Variants in NKAIN2 observed in about 807,000 individuals in gnomAD.
The protein encoded by NKAIN2 is sodium/potassium-transporting ATPase subunit beta-1-interacting protein 2.
NKAIN2 carries 14 observed loss-of-function variants against 32.6 expected under a neutral mutation model. The ratio of observed to expected loss-of-function variants is 0.43; its 90% confidence interval spans 0.28 to 0.67. NKAIN2 has a LOEUF of 0.67. NKAIN2 is among the 30% of genes least tolerant of loss of function. The pLI, the probability that NKAIN2 is intolerant of heterozygous loss-of-function variation, is 0.17. For synonymous variants in NKAIN2, 80 were observed against 87.2 expected (o/e 0.92, Z 0.46); for missense variants, 198 against 258.3 (o/e 0.77, Z 1.60).
chr6:124,142,700 A>G (rs929341617), intron 1 of NKAIN2, among the ~76,000 whole-genome samples: 1 of 152,210 alleles, frequency 6.6e-6, no homozygotes, highest in African/African-American at 2.4e-5. Context: ...ATGCCCAATT[A>G]TGTCTAAATG....
intron 3 of NKAIN2, among the ~76,000 whole-genome samples, chr6:124,544,639 C>T (rs979026378): frequency 2.6e-5 from 4 of 151,280 alleles, no homozygotes; most frequent in Non-Finnish European, 5.9e-5. Flanking sequence ...TCCCGAACCT[C>T]AATGCATTTG....
chr6:124,747,539 G>A (rs190933124), intron 4 of NKAIN2, among the ~76,000 whole-genome samples: 13 of 151,964 alleles, frequency 8.6e-5, no homozygotes, highest in African/African-American at 2.9e-4. Flanking sequence ...TTATGCTGAA[G>A]CCAGAGCTGT....
chr6:123,939,518 T>C (rs1233882205), intron 1 of NKAIN2, among the ~76,000 whole-genome samples: 1 of 151,990 alleles, frequency 6.6e-6, no homozygotes, highest in Non-Finnish European at 1.5e-5. Flanking sequence ...TAGATACATA[T>C]GTATGACCAC....
At position 124,534,166 on chromosome 6, in the gene NKAIN2, T is replaced by C. The variant is rs560377341; in HGVS notation, c.274-124020T>C. Among the ~76,000 whole-genome samples, 21 of 152,066 alleles carry C rather than the reference T, an allele frequency of 1.4e-4. No homozygotes were observed. The South Asian group carries it at 1.5e-3, about 11-fold the overall frequency. ...TTTTTTTTTCCTTTTTTGGGGGGCA[T>C]TGGGGGACAGAGTCTCATTCTGTTG... On this transcript the variant is annotated intron_variant, in intron 3 of 6. Coordinates refer to ENST00000368417, the MANE Select transcript of NKAIN2 (RefSeq NM_001040214.3).
chr6:123,980,423 T>C (rs540532556), intron 1 of NKAIN2, among the ~76,000 whole-genome samples: 147 of 152,304 alleles, frequency 9.7e-4, no homozygotes, highest in East Asian at 1.2e-3. Context: ...AGAATTAAGA[T>C]TTCAATTATA....
intron 3 of NKAIN2, among the ~76,000 whole-genome samples, chr6:124,424,830 C>A (rs999712787): frequency 6.6e-6 from 1 of 152,110 alleles, no homozygotes; most frequent in Admixed American, 6.5e-5. Context: ...CAGCTTATTT[C>A]CTTATCTTGG....
intron 4 of NKAIN2, among the ~76,000 whole-genome samples, chr6:124,700,037 T>C (rs1406416368): frequency 6.6e-6 from 1 of 152,176 alleles, no homozygotes; most frequent in Non-Finnish European, 1.5e-5. Flanking sequence ...AGCAGAATTC[T>C]CTGCTCAGAA....
chr6:123,817,943 C>A (rs1237130125), intron 1 of NKAIN2, among the ~76,000 whole-genome samples: 2 of 152,016 alleles, frequency 1.3e-5, no homozygotes, highest in South Asian at 2.1e-4. Context: ...TGTACTCAAC[C>A]AAGCCTTCAG....
intron 5 of NKAIN2, among the ~76,000 whole-genome samples, chr6:124,816,741 TAGA>T (rs1449794421): frequency 1.3e-5 from 2 of 152,122 alleles, no homozygotes; most frequent in African/African-American, 4.8e-5. Context: ...AGTAAGCCAA[TAGA>T]AGGAGATGCT....
chr6:124,571,484 T>C (rs1781125980), intron 3 of NKAIN2, among the ~76,000 whole-genome samples: 1 of 152,170 alleles, frequency 6.6e-6, no homozygotes, highest in Non-Finnish European at 1.5e-5. Context: ...GTTTTCATGA[T>C]AGTGAGTAAG....
At chr6:124,083,231 T>A (rs1320471276) in intron 1 of NKAIN2, among the ~76,000 whole-genome samples, 1 of 151,916 alleles carries the variant, frequency 6.6e-6, no homozygotes, top group African/African-American at 2.4e-5. Flanking sequence ...CACTGAAGAT[T>A]AGTATACTCA....
At chr6:124,031,079 T>C (rs1781379465) in intron 1 of NKAIN2, among the ~76,000 whole-genome samples, 1 of 152,134 alleles carries the variant, frequency 6.6e-6, no homozygotes, top group African/African-American at 2.4e-5. Flanking sequence ...TTACTGGGTT[T>C]TTAAAAAAAT....
intron 1 of NKAIN2, among the ~76,000 whole-genome samples, chr6:124,250,149 GA>G (rs1793628170): frequency 6.6e-6 from 1 of 152,108 alleles, no homozygotes; most frequent in South Asian, 2.1e-4. Context: ...ATTGTAGCTT[GA>G]AGATGGCCAT....
chr6:123,817,959 T>C (rs1426952161), intron 1 of NKAIN2, among the ~76,000 whole-genome samples: 2 of 152,204 alleles, frequency 1.3e-5, no homozygotes, highest in Admixed American at 1.3e-4. Flanking sequence ...TTCAGTATTC[T>C]TGGCTGTTTT....
At chr6:124,250,036 C>T (rs1022389950) in intron 1 of NKAIN2, among the ~76,000 whole-genome samples, 6 of 152,014 alleles carry the variant, frequency 3.9e-5, no homozygotes, top group Admixed American at 6.6e-5. Flanking sequence ...GGAAGTGAAC[C>T]TTTGGAAGGT....
At chr6:124,098,296 C>G (rs1039496165) in intron 1 of NKAIN2, among the ~76,000 whole-genome samples, 1 of 152,100 alleles carries the variant, frequency 6.6e-6, no homozygotes. Context: ...CACCTGTAAG[C>G]TCTTTGAGGA....
intron 4 of NKAIN2, among the ~76,000 whole-genome samples, chr6:124,745,614 T>A (rs985855642): frequency 1.3e-5 from 2 of 151,918 alleles, no homozygotes; most frequent in Non-Finnish European, 2.9e-5. Context: ...TTTAAAACCA[T>A]TCGCTGAGAT....
intron 1 of NKAIN2, among the ~76,000 whole-genome samples, chr6:123,814,220 T>C (rs1364284544): frequency 1.3e-5 from 2 of 152,178 alleles, no homozygotes; most frequent in African/African-American, 4.8e-5. Flanking sequence ...AAAACAATGT[T>C]TTAACATTCA....
chr6:123,804,928 C>G (rs1479259040), intron 1 of NKAIN2, among the ~76,000 whole-genome samples: 1 of 152,174 alleles, frequency 6.6e-6, no homozygotes, highest in Non-Finnish European at 1.5e-5. Context: ...AAAAACTATT[C>G]TGTCTTACAT....
Sources: allele counts gnomAD v4.1 joint callset (sites outside exome capture counted in the v4.1 genomes callset), GRCh38; gene constraint gnomAD v4.1.1; transcripts MANE v1.5; gene names NCBI Gene and HGNC (gene_info 2026-07-23, HGNC 2026-07-21).